The following HSD17B14 variants were observed in gnomAD, a reference collection of about 807,000 sequenced individuals.
HSD17B14 encodes hydroxysteroid 17-beta dehydrogenase 14.
Under a neutral mutation model 32.2 loss-of-function variants are expected in HSD17B14, and 32 were observed. The observed-to-expected ratio is 0.99, with a 90% CI of 0.75 to 1.33. HSD17B14 has a LOEUF of 1.33. Among genes scored for constraint, HSD17B14 ranks in the 40% most tolerant of loss-of-function variants. HSD17B14 has a pLI of 0.00. For missense variants in HSD17B14, 370 were observed against 366.5 expected (o/e 1.01, Z -0.08); for synonymous variants, 140 against 155.4 (o/e 0.90, Z 0.74).
intron 5 of HSD17B14, among the ~76,000 whole-genome samples, chr19:48,831,446 A>G (rs1617394): frequency 1.3e-5 from 2 of 152,082 alleles, no homozygotes; most frequent in Non-Finnish European, 2.9e-5. Flanking sequence ...CCAGTTACTC[A>G]GGAGGCTGAG....
At chr19:48,833,083 G>C (rs1041445083) in intron 3 of HSD17B14, among the ~76,000 whole-genome samples, 1 of 151,836 alleles carries the variant, frequency 6.6e-6, no homozygotes, top group Non-Finnish European at 1.5e-5. Flanking sequence ...TAGATGGGGT[G>C]TCCAGCCATA....
At chr19:48,832,415 A>G (rs535881545) in intron 4 of HSD17B14, among the ~76,000 whole-genome samples, 26 of 152,060 alleles carry the variant, frequency 1.7e-4, no homozygotes, top group African/African-American at 6.3e-4. Context: ...GAGAAGAAAA[A>G]AGAAAAGAAA....
rs763199828 is a variant in HSD17B14, at chr19:48,834,260, C to T, written c.210+16G>A. On this transcript the variant is annotated intron_variant, in intron 3 of 8. Transcript: ENST00000263278. ...TCATTAGCGGAGATGGGGGTAGGAA[C>T]AGGAACTCGGCTTACCTTCACATCA... The T allele has an allele frequency of 1.2e-6, 2 of 1,607,394 alleles. No individual in the cohort carries two copies. Among genetic ancestry groups the T allele is most frequent in the Non-Finnish European group, 1.7e-6 (2 of 1,174,100 alleles).
intron 3 of HSD17B14, among the ~76,000 whole-genome samples, 158 bp downstream of exon 3, chr19:48,834,118 C>A (rs1274911362): frequency 6.6e-6 from 1 of 152,178 alleles, no homozygotes; most frequent in African/African-American, 2.4e-5. Context: ...TCACAGAAGA[C>A]CTTGTGTGTG....
chr19:48,821,539 G>A (rs141248218), intron 5 of HSD17B14, among the ~76,000 whole-genome samples: 1 of 152,146 alleles, frequency 6.6e-6, no homozygotes, highest in Non-Finnish European at 1.5e-5. Context: ...CTAATTCAAG[G>A]GATCTGGGCA....
intron 5 of HSD17B14, among the ~76,000 whole-genome samples, 173 bp from the exon 6 acceptor site, chr19:48,815,314 C>T (rs2035033272): frequency 6.6e-6 from 1 of 152,082 alleles, no homozygotes; most frequent in South Asian, 2.1e-4. Flanking sequence ...CTCTGGTTTG[C>T]CCTGGGGTCG....
At chr19:48,827,905 A>C (rs1039148286) in intron 5 of HSD17B14, among the ~76,000 whole-genome samples, 1 of 141,382 alleles carries the variant, frequency 7.1e-6, no homozygotes, top group Admixed American at 7.5e-5. Context: ...CCCAGGCTGG[A>C]GTGCAGTGAT....
At chr19:48,821,307 C>T (rs2035145085) in intron 5 of HSD17B14, among the ~76,000 whole-genome samples, 1 of 152,212 alleles carries the variant, frequency 6.6e-6, no homozygotes, top group Non-Finnish European at 1.5e-5. Flanking sequence ...GCCACCGCGC[C>T]TGGCCTCAGA....
At chr19:48,827,730 G>A (rs1450325746) in intron 5 of HSD17B14, among the ~76,000 whole-genome samples, 2 of 151,788 alleles carry the variant, frequency 1.3e-5, no homozygotes, top group African/African-American at 2.4e-5. Flanking sequence ...TAGTAGAGAC[G>A]GGGTCTCACC....
chr19:48,833,924 A>C (rs1599844997), intron 3 of HSD17B14, among the ~76,000 whole-genome samples: 1 of 152,012 alleles, frequency 6.6e-6, no homozygotes, highest in African/African-American at 2.4e-5. Flanking sequence ...CGGTAGGCTG[A>C]GGTTGCAGTG....
chr19:48,830,069 A>T (rs1479088458), intron 5 of HSD17B14, among the ~76,000 whole-genome samples: 1 of 152,064 alleles, frequency 6.6e-6, no homozygotes, highest in African/African-American at 2.4e-5. Context: ...CCTGGGCTCA[A>T]GCTGTGATAC....
chr19:48,835,703 G>A lies in HSD17B14; in HGVS notation c.127+102C>T, dbSNP rs556790010. On this transcript the variant is annotated intron_variant, in intron 2 of 8. Transcript: ENST00000263278. ...CCTGGGTCTGAGGAAGTAGGGCCTG[G>A]GGGCCTGGACTCCGGGGTCTGAGGG... The A allele has an allele frequency of 8.3e-5, 98 of 1,181,974 alleles. No homozygotes were observed. In the East Asian group the frequency reaches 2.3e-3, roughly 28 times the overall value. 73.2% of individuals were successfully genotyped at this position (1,181,974 alleles called of 1,614,324 possible). A position where few individuals can be genotyped will look rare whatever the true frequency, so the allele number is the denominator to read the frequency against.
intron 2 of HSD17B14, among the ~76,000 whole-genome samples, chr19:48,835,424 T>C (rs376596883): frequency 1.8e-5 from 2 of 110,188 alleles, no homozygotes; most frequent in African/African-American, 7.1e-5. Flanking sequence ...CCTGGACTCC[T>C]GGGTCTGAGG....
At chr19:48,835,877 G>T in intron 1 of HSD17B14, 34 bp from the exon 2 acceptor site, 2 of 1,610,458 alleles carry the variant, frequency 1.2e-6, no homozygotes, top group Non-Finnish European at 1.7e-6. Context: ...TACTCTCCGA[G>T]CCTTGGTTAA....
chr19:48,814,403 T>C (rs2035016428), intron 6 of HSD17B14, among the ~76,000 whole-genome samples: 1 of 151,794 alleles, frequency 6.6e-6, no homozygotes, highest in African/African-American at 2.4e-5. Flanking sequence ...CCACCTGTAA[T>C]CTCAGCTACT....
chr19:48,832,942 A>G (rs189467300), intron 3 of HSD17B14, among the ~76,000 whole-genome samples: 1 of 151,750 alleles, frequency 6.6e-6, no homozygotes, highest in East Asian at 1.9e-4. Context: ...TTTAGTAGAG[A>G]CAGGGATTCA....
intron 5 of HSD17B14, among the ~76,000 whole-genome samples, chr19:48,816,195 G>T (rs1038225391): frequency 1.3e-5 from 2 of 152,002 alleles, no homozygotes; most frequent in African/African-American, 4.8e-5. Context: ...GATCTCGCTT[G>T]CCTTAGAAAG....
At chr19:48,818,985 CTTTT>C (rs2035101842) in intron 5 of HSD17B14, among the ~76,000 whole-genome samples, 1 of 152,180 alleles carries the variant, frequency 6.6e-6, no homozygotes, top group African/African-American at 2.4e-5. Context: ...CAATCAACTC[CTTTT>C]TTTGTTTGTT....
chr19:48,836,337 G>A lies in HSD17B14; in HGVS notation c.75C>T (p.Ile25=). The change falls in exon 1 of 9, where the codon ATC becomes ATT. Residue 25 remains isoleucine, a synonymous_variant. Transcript: ENST00000263278. ...GACCCGGCTCACCGAAGGCGCGCAC[G>A]ATCCCAGCTCCGATGCCGCGCCCGC... ...TGGGRGIGAG[I]VRAFVNSGAR... is the part of the protein sequence containing the mutation. The A allele has an allele frequency of 6.2e-7, 1 of 1,612,242 alleles. No individual in the cohort carries two copies. The highest frequency in any genetic ancestry group is 8.5e-7 in the Non-Finnish European group (1 of 1,179,640).
Sources: gnomAD v4.1 joint callset for allele counts (sites outside exome capture counted in the v4.1 genomes callset) on GRCh38, gnomAD v4.1.1 for gene constraint, MANE v1.5 for transcripts, NCBI Gene and HGNC (gene_info 2026-07-23, HGNC 2026-07-21) for gene names.